The following FRYL variants were observed in gnomAD, a reference collection of about 807,000 sequenced individuals.
FRYL encodes FRY like transcription coactivator, also known as protein furry homolog-like.
FRYL carries 150 observed loss-of-function variants against 351.2 expected under a neutral mutation model. The ratio of observed to expected loss-of-function variants is 0.43; its 90% confidence interval spans 0.37 to 0.49. The LOEUF (loss-of-function observed/expected upper bound fraction) is 0.49, where lower values mean the gene tolerates loss of function less well. FRYL is among the 20% of genes least tolerant of loss of function. The pLI, the probability that FRYL is intolerant of heterozygous loss-of-function variation, is 0.00. For missense variants in FRYL, 3,036 were observed against 3,619.3 expected (o/e 0.84, Z 4.13); for synonymous variants, 1,153 against 1,257.1 (o/e 0.92, Z 1.75).
chr4:48,763,312 C>A (rs1056026495), intron 1 of FRYL, among the ~76,000 whole-genome samples: 1 of 151,342 alleles, frequency 6.6e-6, no homozygotes, highest in Non-Finnish European at 1.5e-5. Flanking sequence ...AAATTTAAAA[C>A]TTAGCTGGAC....
At chr4:48,541,441 T>G (rs564646836) in intron 45 of FRYL, among the ~76,000 whole-genome samples, 39 of 152,280 alleles carry the variant, frequency 2.6e-4, no homozygotes, top group African/African-American at 8.9e-4. Context: ...GCCAGCTGTA[T>G]AGAAAAGGAA....
chr4:48,681,164 A>C, intron 3 of FRYL: 1 of 1,012,506 alleles, frequency 9.9e-7, no homozygotes, highest in Non-Finnish European at 1.2e-6. Flanking sequence ...ACAAGCACAC[A>C]GAAAGGTGCC....
At chr4:48,536,411 C>T (rs1043831807) in intron 47 of FRYL, among the ~76,000 whole-genome samples, 7 of 152,120 alleles carry the variant, frequency 4.6e-5, no homozygotes, top group Admixed American at 2.6e-4. Flanking sequence ...ACTGCTCTTC[C>T]GGAAATCACC....
chr4:48,734,450 A>G (rs1771073042), intron 1 of FRYL, among the ~76,000 whole-genome samples: 1 of 152,230 alleles, frequency 6.6e-6, no homozygotes, highest in Admixed American at 6.5e-5. Context: ...AGATGAATCC[A>G]CTATTAGAGT....
At chr4:48,519,733 T>C (rs1216259045) in intron 55 of FRYL, among the ~76,000 whole-genome samples, 1 of 150,166 alleles carries the variant, frequency 6.7e-6, no homozygotes, top group African/African-American at 2.5e-5. Context: ...AATCTCTCTC[T>C]CGCTCTTTTT....
In FRYL at chr4:48,581,602, C is replaced by T. The variant is rs1254623184; in HGVS notation, c.1990G>A (p.Gly664Ser). The T allele has an allele frequency of 1.9e-6, 3 of 1,582,718 alleles. No individual in the cohort carries two copies. The highest frequency in any genetic ancestry group is 2.6e-6 in the Non-Finnish European group (3 of 1,169,218). The change falls in exon 21 of 64, where the codon GGT becomes AGT. Residue 664 changes from glycine to serine, a missense_variant. Gly to Ser is a moderately conservative substitution (Grantham distance 56, BLOSUM62 0). Transcript: ENST00000358350. ...GGATGAGAAGCTCCATTAGCTACAC[C>T]ATGCTTGAAAAACAGAAGTTAAAAA... Reference protein sequence around the residue: ...MHNKNQDTQHGVANGASHPPP... With the variant: ...MHNKNQDTQHSVANGASHPPP...
At chr4:48,715,917 C>T (rs1326369981) in intron 1 of FRYL, among the ~76,000 whole-genome samples, 3 of 151,354 alleles carry the variant, frequency 2.0e-5, no homozygotes, top group African/African-American at 7.3e-5. Flanking sequence ...GTACTGGTAC[C>T]AAAACAGAGA....
At chr4:48,602,689 T>C (rs966527057) in intron 12 of FRYL, among the ~76,000 whole-genome samples, 1 of 152,140 alleles carries the variant, frequency 6.6e-6, no homozygotes, top group African/African-American at 2.4e-5. Context: ...TTCTCCAAGC[T>C]ACGTAAAAGT....
At chr4:48,633,368 T>C (rs1400120320) in intron 4 of FRYL, among the ~76,000 whole-genome samples, 13 of 152,216 alleles carry the variant, frequency 8.5e-5, no homozygotes, top group Admixed American at 3.9e-4. Context: ...AAATCATCAT[T>C]TGCTCTTTTG....
intron 49 of FRYL, among the ~76,000 whole-genome samples, chr4:48,531,858 T>C (rs1211453899): frequency 6.6e-6 from 1 of 152,168 alleles, no homozygotes; most frequent in Non-Finnish European, 1.5e-5. Context: ...CCCCAAATAC[T>C]GAGAGTAGAT....
At chr4:48,553,581 T>C (rs539620761) in intron 35 of FRYL, among the ~76,000 whole-genome samples, 198 bp from the exon 36 acceptor site, 2 of 151,820 alleles carry the variant, frequency 1.3e-5, no homozygotes, top group East Asian at 1.9e-4. Flanking sequence ...CTCTCAGCAT[T>C]AGATCTAATT....
At chr4:48,588,367 T>C (rs1742569143) in intron 18 of FRYL, among the ~76,000 whole-genome samples, 1 of 152,206 alleles carries the variant, frequency 6.6e-6, no homozygotes, top group Admixed American at 6.5e-5. Flanking sequence ...TCAGTCACCC[T>C]TGAGACAGTT....
At chr4:48,517,016 C>T (rs182693936) in intron 55 of FRYL, among the ~76,000 whole-genome samples, 81 of 152,276 alleles carry the variant, frequency 5.3e-4, no homozygotes, top group Admixed American at 3.7e-3. Context: ...TAAGAGAACA[C>T]TGCTCTGGAT....
At chr4:48,500,625 C>G (rs1356342729) in intron 62 of FRYL, among the ~76,000 whole-genome samples, 1 of 152,044 alleles carries the variant, frequency 6.6e-6, no homozygotes, top group Non-Finnish European at 1.5e-5. Flanking sequence ...TTTCTTTTTA[C>G]AGATTTAATG....
intron 3 of FRYL, among the ~76,000 whole-genome samples, chr4:48,656,740 A>ATT (rs1291795889): frequency 1.3e-5 from 2 of 148,888 alleles, no homozygotes; most frequent in African/African-American, 2.5e-5. Context: ...ATATATATAT[A>ATT]TATTTATTTA....
Position 48,528,015 on chromosome 4 carries a change from G to A in FRYL, c.7096C>T (p.Leu2366Phe). 1 of 1,580,586 alleles carries A rather than the reference G, an allele frequency of 6.3e-7. No individual in the cohort carries two copies. Among genetic ancestry groups the A allele is most frequent in the Non-Finnish European group, 8.5e-7 (1 of 1,170,460 alleles). ...RRTREKLMNV[L>F]SLCGPESGLP... ...CCAGATTCTGGACCACAGAGAGAAA[G>A]CACATTCATTAGCTTTTCTCTTGTT... Residue 2366 changes from leucine (L) to phenylalanine (F), a missense_variant, in exon 52 of 64, where the codon CTT (leucine) becomes TTT (phenylalanine). By Grantham distance (22) the Leu-to-Phe change is conservative (BLOSUM62 0). This residue lies in a region of FRYL where 1,987 missense variants were observed against 2,311.7 expected (regional missense o/e 0.86). Coordinates refer to ENST00000358350, the MANE Select transcript of FRYL (RefSeq NM_015030.2).
At chr4:48,680,308 T>G (rs572691123) in intron 3 of FRYL, among the ~76,000 whole-genome samples, 2 of 152,140 alleles carry the variant, frequency 1.3e-5, no homozygotes, top group East Asian at 3.9e-4. Context: ...ATTTGAAAAC[T>G]TGAAGCATTT....
At chr4:48,750,335 C>G (rs62310876) in intron 1 of FRYL, among the ~76,000 whole-genome samples, 1 of 151,662 alleles carries the variant, frequency 6.6e-6, no homozygotes, top group Non-Finnish European at 1.5e-5. Flanking sequence ...GTGGCATGTA[C>G]CTATAGTCCC....
chr4:48,518,536 T>C (rs1048585940), intron 55 of FRYL, among the ~76,000 whole-genome samples: 9 of 152,296 alleles, frequency 5.9e-5, no homozygotes, highest in Admixed American at 5.2e-4. Flanking sequence ...TAAAAAATAA[T>C]CAGATCATGT....
Sources: gnomAD v4.1 joint callset for allele counts (sites outside exome capture counted in the v4.1 genomes callset) on GRCh38, gnomAD v4.1.1 for gene constraint, gnomAD v4.1.1 regional missense constraint, MANE v1.5 for transcripts, NCBI Gene and HGNC (gene_info 2026-07-23, HGNC 2026-07-21) for gene names.